PBRM1: variants seen among roughly 807,000 people sequenced by gnomAD.
PBRM1 encodes polybromo 1, also known as protein polybromo-1.
PBRM1 carries 27 observed loss-of-function variants against 194.5 expected under a neutral mutation model. That is an observed-to-expected ratio of 0.14 (90% CI 0.10 to 0.19). The LOEUF (loss-of-function observed/expected upper bound fraction) is 0.19, where lower values mean the gene tolerates loss of function less well. Ranked by LOEUF, PBRM1 falls within the 10% of genes least tolerant of loss-of-function variation. The pLI, the probability that PBRM1 is intolerant of heterozygous loss-of-function variation, is 1.00. For synonymous variants in PBRM1, 655 were observed against 693.2 expected, an observed-to-expected ratio of 0.94 and a Z score of 0.87; for missense variants, 1,466 against 2,077.2, an observed-to-expected ratio of 0.71 and a Z score of 5.72.
intron 22 of PBRM1, among the ~76,000 whole-genome samples, chr3:52,573,398 A>G (rs2088159203): frequency 6.6e-6 from 1 of 152,068 alleles, no homozygotes; most frequent in African/African-American, 2.4e-5. Flanking sequence ...GGTTCAAACA[A>G]TTCTCTTGCC....
At position 52,621,262 on chromosome 3, in the gene PBRM1, C is replaced by T. The variant is rs552097861; in HGVS notation, c.1542-3724G>A. On this transcript the variant is annotated intron_variant, in intron 13 of 29. Transcript: ENST00000296302. The stretch of plus-strand genomic sequence containing the variant: ...GCAAGCTCCGCCTCCCAGGTTCACA[C>T]CATTCTCCTGCCTCAGCCTCCCAAG... 3.3e-3 allele frequency among the ~76,000 whole-genome samples: 500 copies of T among 152,214 alleles called. 1 individual carries two copies. Among genetic ancestry groups the T allele is most frequent in the Middle Eastern group, 0.024 (7 of 294 alleles).
intron 13 of PBRM1, among the ~76,000 whole-genome samples, chr3:52,624,050 C>T (rs2095365177): frequency 6.6e-6 from 1 of 152,194 alleles, no homozygotes; most frequent in Non-Finnish European, 1.5e-5. Flanking sequence ...AAGCTCAAGA[C>T]ATTCAACTTT....
chr3:52,622,752 G>C (rs1414542726), intron 13 of PBRM1, among the ~76,000 whole-genome samples: 1 of 152,092 alleles, frequency 6.6e-6, no homozygotes, highest in Non-Finnish European at 1.5e-5. Context: ...TCCTTTTAAT[G>C]TTTCATGCCA....
chr3:52,655,354 T>G (rs1311471440), intron 5 of PBRM1, among the ~76,000 whole-genome samples: 1 of 152,202 alleles, frequency 6.6e-6, no homozygotes, highest in African/African-American at 2.4e-5. Context: ...CTGGCTCATT[T>G]TGCTTAAAAT....
chr3:52,624,914 A>T, intron 13 of PBRM1: 1 of 1,547,868 alleles, frequency 6.5e-7, no homozygotes, highest in Non-Finnish European at 8.7e-7. Context: ...GCCTCCTGAG[A>T]CCCAACATCT....
At chr3:52,596,075 G>A (rs770220515) in intron 17 of PBRM1, among the ~76,000 whole-genome samples, 1 of 152,126 alleles carries the variant, frequency 6.6e-6, no homozygotes, top group Non-Finnish European at 1.5e-5. Flanking sequence ...GTCGGGTAAC[G>A]TGATTCCTCC....
At chr3:52,571,100 G>A (rs1436030109) in intron 22 of PBRM1, among the ~76,000 whole-genome samples, 2 of 140,824 alleles carry the variant, frequency 1.4e-5, no homozygotes, top group Non-Finnish European at 2.9e-5. Flanking sequence ...CGAGGCAGGC[G>A]CCTCACGAGG....
chr3:52,554,083 A>G (rs986550447), intron 27 of PBRM1, among the ~76,000 whole-genome samples: 10 of 152,198 alleles, frequency 6.6e-5, no homozygotes, highest in Middle Eastern at 3.2e-3. Flanking sequence ...TACAGGCATG[A>G]GCCATTACAC....
chr3:52,545,821 GTA>G, downstream of PBRM1: 1 of 233,006 alleles, frequency 4.3e-6, no homozygotes, highest in East Asian at 6.1e-5. Context: ...AAAAAAAGGT[GTA>G]TAGTTTACTT....
At chr3:52,617,195 TG>T in intron 14 of PBRM1, 66 bp downstream of exon 16, 1 of 1,292,618 alleles carries the variant, frequency 7.7e-7, no homozygotes, top group Admixed American at 2.4e-5. Context: ...TCTCTCAAAA[TG>T]CATTATTCTA....
chr3:52,564,016 G>A (rs769519359), intron 23 of PBRM1, 34 bp downstream of exon 25: 188 of 1,456,520 alleles, frequency 1.3e-4, no homozygotes, highest in Non-Finnish European at 1.7e-4. Context: ...GTTAATGGAA[G>A]TGCTCTTTTT....
chr3:52,598,481 A>G (rs1342006515), intron 17 of PBRM1, among the ~76,000 whole-genome samples: 2 of 152,202 alleles, frequency 1.3e-5, no homozygotes, highest in Non-Finnish European at 2.9e-5. Flanking sequence ...TTCACTTATC[A>G]TAAGGTTTTC....
intron 17 of PBRM1, among the ~76,000 whole-genome samples, chr3:52,602,024 A>G (rs529120514): frequency 1.3e-5 from 2 of 152,292 alleles, no homozygotes; most frequent in South Asian, 4.1e-4. Context: ...ACTAATTGTC[A>G]ATTGGGCTGG....
intron 10 of PBRM1, among the ~76,000 whole-genome samples, chr3:52,640,279 AT>A (rs1290251860): frequency 3.3e-5 from 5 of 151,296 alleles, no homozygotes; most frequent in South Asian, 2.1e-4. Context: ...TATTATTTTT[AT>A]TTTTTATTTA....
At chr3:52,646,145 G>T (rs1577457291) in intron 7 of PBRM1, among the ~76,000 whole-genome samples, 1 of 151,972 alleles carries the variant, frequency 6.6e-6, no homozygotes, top group Non-Finnish European at 1.5e-5. Context: ...GTCCTATTAG[G>T]GACTAGGAAT....
intron 25 of PBRM1, 124 bp downstream of exon 27, chr3:52,561,643 G>T: frequency 1.2e-6 from 1 of 844,088 alleles, no homozygotes; most frequent in Non-Finnish European, 2.0e-6. Flanking sequence ...GTGCCATTTG[G>T]AACAGTCCCC....
intron 5 of PBRM1, among the ~76,000 whole-genome samples, chr3:52,653,767 G>T (rs534369157): frequency 1.9e-4 from 28 of 149,432 alleles, no homozygotes; most frequent in Admixed American, 1.7e-3. Context: ...AAAATTAGCT[G>T]GGTGTGGTGG....
intron 22 of PBRM1, among the ~76,000 whole-genome samples, chr3:52,572,216 T>C (rs1415373737): frequency 6.6e-6 from 1 of 151,902 alleles, no homozygotes; most frequent in Non-Finnish European, 1.5e-5. Flanking sequence ...GTTTTTAAAT[T>C]AATGAAACGT....
chr3:52,594,515 C>T (rs903160048), intron 17 of PBRM1, among the ~76,000 whole-genome samples: 1 of 152,162 alleles, frequency 6.6e-6, no homozygotes, highest in African/African-American at 2.4e-5. Context: ...GACAGCATCC[C>T]ATTAGACCTT....
Sources: gnomAD v4.1 joint callset for allele counts (sites outside exome capture counted in the v4.1 genomes callset) on GRCh38, gnomAD v4.1.1 for gene constraint, MANE v1.5 for transcripts, NCBI Gene and HGNC (gene_info 2026-07-23, HGNC 2026-07-21) for gene names.